Variants in ALK observed in about 807,000 individuals in gnomAD.
The protein encoded by ALK is ALK receptor tyrosine kinase, also known as ALK tyrosine kinase receptor.
Under a neutral mutation model 163.1 loss-of-function variants are expected in ALK, and 74 were observed. That is an observed-to-expected ratio of 0.45 (90% CI 0.38 to 0.55). The LOEUF is 0.55. Ranked by LOEUF, ALK falls within the 20% of genes least tolerant of loss-of-function variation. ALK has a pLI of 0.00. For synonymous variants in ALK, 960 were observed against 843.2 expected (o/e 1.14, Z -2.40); for missense variants, 2,063 against 2,105.3 (o/e 0.98, Z 0.39).
At position 29,246,892 on chromosome 2, in the gene ALK, T is replaced by TG. The variant is rs1664688360; in HGVS notation, c.2204+4212dup. Among the ~76,000 whole-genome samples the TG allele has an allele frequency of 6.6e-6, 1 of 152,130 alleles. No homozygotes were observed. The highest frequency in any genetic ancestry group is 1.5e-5 in the Non-Finnish European group (1 of 68,022). On this transcript the variant is annotated intron_variant, in intron 12 of 28. Coordinates refer to ENST00000389048, the MANE Select transcript of ALK (RefSeq NM_004304.5). This position sits in a 1 kb window ranked among gnomAD's most constrained non-coding sequence, Gnocchi z 4.3. ...TCACCAGGGGGAGCGAGAGGCCTTTTGGGGGGTAACACTGCAGCCCCAGGA... is the reference window on the plus strand; with the variant it reads ...TCACCAGGGGGAGCGAGAGGCCTTTTGGGGGGGTAACACTGCAGCCCCAGGA...
chr2:29,523,217 A>G (rs1672861616), intron 4 of ALK, among the ~76,000 whole-genome samples: 1 of 152,092 alleles, frequency 6.6e-6, no homozygotes, highest in Admixed American at 6.5e-5. Context: ...CTCTGTGTGG[A>G]ATGTCTTCCT....
chr2:29,592,626 C>T (rs183565164), intron 3 of ALK, among the ~76,000 whole-genome samples: 3 of 152,178 alleles, frequency 2.0e-5, no homozygotes, highest in Non-Finnish European at 4.4e-5. Context: ...AGAGAAATAA[C>T]CCTTCTCCTA....
intron 3 of ALK, among the ~76,000 whole-genome samples, chr2:29,606,184 AT>A (rs1675536507): frequency 6.6e-6 from 1 of 152,242 alleles, no homozygotes. Context: ...CATGGCAGGC[AT>A]TCACTTCATT....
chr2:29,231,217 A>G (rs572367713), intron 15 of ALK, among the ~76,000 whole-genome samples: 1 of 152,308 alleles, frequency 6.6e-6, no homozygotes, highest in East Asian at 1.9e-4. Flanking sequence ...GTGTGCCTGT[A>G]ATCCCAGCTA....
chr2:29,861,930 C>T (rs4666284), intron 1 of ALK, among the ~76,000 whole-genome samples: 3 of 151,984 alleles, frequency 2.0e-5, no homozygotes, highest in African/African-American at 7.3e-5. Context: ...TCATTCACCA[C>T]GATCAAGTGG....
At position 29,373,085 on chromosome 2, in the gene ALK, G is replaced by A. The variant is rs562149366; in HGVS notation, c.1282+10647C>T. On this transcript the variant is annotated intron_variant, in intron 5 of 28. Coordinates refer to ENST00000389048, the MANE Select transcript of ALK (RefSeq NM_004304.5). ...TTCCCCATCACCAGCTGGAGCATCC[G>A]TCTCATTAATAACTGGAGCCTAATC... Among the ~76,000 whole-genome samples, 7 of 152,196 alleles carry A rather than the reference G, an allele frequency of 4.6e-5. No individual in the cohort carries two copies. The East Asian group carries it at 9.6e-4, about 21-fold the overall frequency.
chr2:29,709,935 T>C (rs1248828839), intron 2 of ALK, among the ~76,000 whole-genome samples: 1 of 152,184 alleles, frequency 6.6e-6, no homozygotes, highest in African/African-American at 2.4e-5. Context: ...AATTCCTCAC[T>C]TCCTTGGCTT....
chr2:29,296,400 T>G (rs182357072), intron 9 of ALK, among the ~76,000 whole-genome samples: 29 of 152,346 alleles, frequency 1.9e-4, no homozygotes, highest in Admixed American at 1.6e-3. Flanking sequence ...CTTCACCGTT[T>G]TGATTCTGTT....
chr2:29,276,762 A>G (rs549270603), intron 9 of ALK, among the ~76,000 whole-genome samples: 1 of 152,312 alleles, frequency 6.6e-6, no homozygotes, highest in South Asian at 2.1e-4. Context: ...GATTCCATTG[A>G]TAGAAAATGT....
At chr2:29,547,692 C>G (rs1191423117) in intron 3 of ALK, among the ~76,000 whole-genome samples, 2 of 152,166 alleles carry the variant, frequency 1.3e-5, no homozygotes, top group Non-Finnish European at 2.9e-5. Context: ...TCACTCAGGT[C>G]CCCAACCAAC....
chr2:29,535,764 C>T (rs964450026), intron 3 of ALK, among the ~76,000 whole-genome samples: 5 of 152,106 alleles, frequency 3.3e-5, no homozygotes, highest in African/African-American at 1.2e-4. Flanking sequence ...ATTCTTACAG[C>T]CCCAAACTGT....
intron 1 of ALK, among the ~76,000 whole-genome samples, chr2:29,895,915 T>C (rs1667256424): frequency 6.6e-6 from 1 of 152,132 alleles, no homozygotes; most frequent in Admixed American, 6.5e-5. Flanking sequence ...GGTCTGTGTT[T>C]TTCCCTGGTC....
chr2:29,535,942 T>C (rs148729959), intron 3 of ALK, among the ~76,000 whole-genome samples: 2 of 152,186 alleles, frequency 1.3e-5, no homozygotes, highest in Admixed American at 1.3e-4. Context: ...CCCGCTAAGA[T>C]GTAAGGAAGT....
intron 4 of ALK, among the ~76,000 whole-genome samples, chr2:29,429,752 C>T (rs1049056085): frequency 2.0e-5 from 3 of 151,956 alleles, no homozygotes; most frequent in Non-Finnish European, 2.9e-5. Context: ...ATAAAATTTT[C>T]GAGGGACCCC....
Position 29,858,227 on chromosome 2 carries a change from C to T in ALK, c.667+61766G>A, listed in dbSNP as rs374529509. ...CACCTACCTTCTTCCTGCCTTAATC[C>T]CTAACACCCAGTAACCACTAATCTC... On this transcript the variant is annotated intron_variant, in intron 1 of 28. Coordinates refer to ENST00000389048, the MANE Select transcript of ALK (RefSeq NM_004304.5). 2.4e-4 allele frequency among the ~76,000 whole-genome samples: 36 copies of T among 152,248 alleles called. 1 individual carries two copies. The highest frequency in any genetic ancestry group is 1.9e-3 in the East Asian group (10 of 5,180).
intron 3 of ALK, among the ~76,000 whole-genome samples, chr2:29,601,160 G>T (rs945310282): frequency 1.3e-5 from 2 of 152,174 alleles, no homozygotes; most frequent in African/African-American, 4.8e-5. Context: ...TTGGCAAATG[G>T]CCTCTGAAAG....
chr2:29,272,618 C>T (rs986172154), intron 11 of ALK, among the ~76,000 whole-genome samples: 15 of 152,148 alleles, frequency 9.9e-5, no homozygotes, highest in African/African-American at 3.6e-4. Context: ...AAAGCCTGCC[C>T]GGAGGAGAGT....
rs191685020 is a variant in ALK, at chr2:29,328,242, G to C, written c.1414+108C>G. The C allele has an allele frequency of 1.7e-4, 258 of 1,515,090 alleles. 1 individual carries two copies. The African/African-American group carries it at 3.4e-3, about 20-fold the overall frequency. 93.9% of individuals were successfully genotyped at this position (1,515,090 alleles called of 1,614,324 possible). A position where few individuals can be genotyped will look rare whatever the true frequency, so the allele number is the denominator to read the frequency against. ...GCCATGAGAGGAGTCACAAGTGTCA[G>C]TGGATATCAGGAAGGCTGTCCATGC... On this transcript the variant is annotated intron_variant, in intron 6 of 28. Coordinates refer to ENST00000389048, the MANE Select transcript of ALK (RefSeq NM_004304.5).
At chr2:29,552,568 C>A (rs557240395) in intron 3 of ALK, among the ~76,000 whole-genome samples, 232 of 152,160 alleles carry the variant, frequency 1.5e-3, no homozygotes, top group Middle Eastern at 6.8e-3. Flanking sequence ...AAGTGGTATC[C>A]CATGGTTGAT....
Sources: allele counts gnomAD v4.1 joint callset (sites outside exome capture counted in the v4.1 genomes callset), GRCh38; gene constraint gnomAD v4.1.1; non-coding constraint Gnocchi (gnomAD v3.1); transcripts MANE v1.5; gene names NCBI Gene and HGNC (gene_info 2026-07-23, HGNC 2026-07-21).